Variants in NALF1 observed in about 807,000 individuals in gnomAD.
NALF1 encodes the protein NALCN channel auxiliary factor 1, also known as family with sequence similarity 155 member A.
In NALF1, 3 loss-of-function variants were observed where a neutral mutation model predicts 48.4. The observed-to-expected ratio is 0.06, with a 90% CI of 0.03 to 0.16. NALF1 has a LOEUF of 0.16. Among genes scored for constraint, NALF1 ranks in the 10% least tolerant of loss-of-function variants. The pLI is 1.00. For missense variants in NALF1, 526 were observed against 571.5 expected (o/e 0.92, Z 0.81); for synonymous variants, 262 against 245.7 (o/e 1.07, Z -0.62).
chr13:107,399,453 C>T (rs1026144445), intron 1 of NALF1, among the ~76,000 whole-genome samples: 13 of 115,196 alleles, frequency 1.1e-4, no homozygotes, highest in African/African-American at 3.3e-4. Flanking sequence ...CACACATTCA[C>T]GTACACACAC....
chr13:107,705,243 A>G (rs1158688830), intron 1 of NALF1, among the ~76,000 whole-genome samples: 1 of 152,222 alleles, frequency 6.6e-6, no homozygotes, highest in Non-Finnish European at 1.5e-5. Flanking sequence ...ATTAACTTCT[A>G]CATGTCCCGC....
At chr13:107,323,038 T>A (rs540950458) in intron 1 of NALF1, among the ~76,000 whole-genome samples, 1 of 152,244 alleles carries the variant, frequency 6.6e-6, no homozygotes, top group South Asian at 2.1e-4. Context: ...TAGCTGTTTG[T>A]TTGCAGAACG....
chr13:107,537,051 C>T (rs918119230), intron 1 of NALF1, among the ~76,000 whole-genome samples: 12 of 151,936 alleles, frequency 7.9e-5, no homozygotes, highest in East Asian at 7.8e-4. Flanking sequence ...GGACACAGGG[C>T]GGGGAACATC....
chr13:107,559,976 A>G (rs1877599156), intron 1 of NALF1, among the ~76,000 whole-genome samples: 1 of 151,686 alleles, frequency 6.6e-6, no homozygotes, highest in Admixed American at 6.6e-5. Flanking sequence ...AGGTAGCCCA[A>G]GGAAGGAGGC....
chr13:107,259,104 ATTTCCTTTCTGCATCAGGGGAAAGTG>A (rs1880878420), intron 1 of NALF1, among the ~76,000 whole-genome samples: 1 of 152,030 alleles, frequency 6.6e-6, no homozygotes, highest in African/African-American at 2.4e-5. Context: ...TAACCCCAGG[ATTTCCTTTCTGCATCAGGGGAAAGTG>A]TGCCCTATGC....
chr13:107,465,503 G>A (rs1884987991), intron 1 of NALF1, among the ~76,000 whole-genome samples: 1 of 152,116 alleles, frequency 6.6e-6, no homozygotes, highest in Non-Finnish European at 1.5e-5. Flanking sequence ...ATTCTGATGA[G>A]CAAAGTAGTT....
chr13:107,370,567 A>G (rs1325327278), intron 1 of NALF1, among the ~76,000 whole-genome samples: 1 of 152,198 alleles, frequency 6.6e-6, no homozygotes, highest in Non-Finnish European at 1.5e-5. Context: ...GTAACTTATT[A>G]GTTTTAAAAT....
At chr13:107,209,868 G>T (rs964662957) in intron 2 of NALF1, among the ~76,000 whole-genome samples, 8 of 152,166 alleles carry the variant, frequency 5.3e-5, no homozygotes, top group Non-Finnish European at 1.2e-4. Flanking sequence ...CCCTGGCAAA[G>T]TATCTTGTTC....
chr13:107,342,146 GA>G (rs1882693634), intron 1 of NALF1, among the ~76,000 whole-genome samples: 1 of 152,098 alleles, frequency 6.6e-6, no homozygotes. Context: ...CATTAGCCAT[GA>G]GCAATCCAAA....
At chr13:107,807,573 C>G (rs1397765941) in intron 1 of NALF1, among the ~76,000 whole-genome samples, 1 of 152,176 alleles carries the variant, frequency 6.6e-6, no homozygotes, top group East Asian at 1.9e-4. Context: ...TGTGATAACA[C>G]GGAAAATGTA....
intron 1 of NALF1, among the ~76,000 whole-genome samples, chr13:107,236,645 G>A (rs1383487415): frequency 2.0e-5 from 3 of 151,732 alleles, no homozygotes; most frequent in Admixed American, 6.6e-5. Context: ...GCTTAATTAT[G>A]GCACTATCTA....
intron 1 of NALF1, among the ~76,000 whole-genome samples, chr13:107,502,694 G>C (rs1190872113): frequency 6.6e-6 from 1 of 152,122 alleles, no homozygotes; most frequent in East Asian, 1.9e-4. Context: ...TTCAGACCAT[G>C]AGAGAAAAGT....
intron 1 of NALF1, among the ~76,000 whole-genome samples, chr13:107,835,824 G>C (rs1463220788): frequency 6.6e-6 from 1 of 152,080 alleles, no homozygotes; most frequent in Admixed American, 6.6e-5. Flanking sequence ...AAACCCTCTG[G>C]AACATGCACT....
rs567087033 is a variant in NALF1 at position 107,289,184 on chromosome 13, G to T, written c.916-78429C>A. 9.3e-4 allele frequency among the ~76,000 whole-genome samples: 141 copies of T among 152,172 alleles called. 4 individuals carry two copies. In the South Asian group the frequency reaches 0.028, roughly 31 times the overall value. The stretch of plus-strand genomic sequence containing the variant: ...CCCTTAGCAAGGTCTTTGCTCCAGC[G>T]TCCCTGCCACCCTATATAAAATCAT... On this transcript the variant is annotated intron_variant, in intron 1 of 2. Transcript: ENST00000375915.
At position 107,740,123 on chromosome 13, in the gene NALF1, G is replaced by A. The variant is rs764282372; in HGVS notation, c.915+125559C>T. ...CTGTGGAAAAATTGTCCACAAAACC[G>A]GTCCCTGGTGCCAAAAGGTTGGAAA... On this transcript the variant is annotated intron_variant, in intron 1 of 2. Transcript: ENST00000375915. Among the ~76,000 whole-genome samples the A allele has an allele frequency of 2.0e-5, 3 of 152,166 alleles. No individual in the cohort carries two copies. In the South Asian group the frequency reaches 6.2e-4, roughly 32 times the overall value.
intron 1 of NALF1, among the ~76,000 whole-genome samples, chr13:107,284,537 C>G (rs777980906): frequency 2.0e-5 from 3 of 152,032 alleles, no homozygotes; most frequent in Admixed American, 6.5e-5. Context: ...GAGATGGAAA[C>G]CATACAATGT....
At chr13:107,227,560 G>T (rs532551274) in intron 1 of NALF1, among the ~76,000 whole-genome samples, 42 of 152,320 alleles carry the variant, frequency 2.8e-4, no homozygotes, top group African/African-American at 1.0e-3. Flanking sequence ...AAATATCTTT[G>T]TCGCACAAGT....
At chr13:107,789,353 A>C (rs1878164703) in intron 1 of NALF1, among the ~76,000 whole-genome samples, 1 of 152,218 alleles carries the variant, frequency 6.6e-6, no homozygotes, top group Non-Finnish European at 1.5e-5. Context: ...TTTAAAAAGT[A>C]CTTCATTAAT....
intron 2 of NALF1, among the ~76,000 whole-genome samples, chr13:107,174,176 C>G (rs7995063): frequency 0.091 from 13,894 of 151,960 alleles, 968 homozygotes; most frequent in African/African-American, 0.2. Context: ...GTGTTGCCAC[C>G]CTTTTGTGTT....
Sources: gnomAD v4.1 joint callset for allele counts (sites outside exome capture counted in the v4.1 genomes callset) on GRCh38, gnomAD v4.1.1 for gene constraint, MANE v1.5 for transcripts, NCBI Gene and HGNC (gene_info 2026-07-23, HGNC 2026-07-21) for gene names.